Variants in WDR27 observed in about 807,000 individuals in gnomAD.
The protein encoded by WDR27 is WD repeat-containing protein 27.
Under a neutral mutation model 114.4 loss-of-function variants are expected in WDR27, and 100 were observed. That is an observed-to-expected ratio of 0.87 (90% CI 0.74 to 1.03). The LOEUF (loss-of-function observed/expected upper bound fraction) is 1.03. WDR27 is among the 50% of genes least tolerant of loss of function. WDR27 has a pLI of 0.00. For missense variants in WDR27, 1,129 were observed against 1,092.9 expected (o/e 1.03, Z -0.47); for synonymous variants, 449 against 423.1 (o/e 1.06, Z -0.75).
At chr6:169,698,519 T>C (rs1431400313) in intron 1 of WDR27, among the ~76,000 whole-genome samples, 2 of 152,148 alleles carry the variant, frequency 1.3e-5, no homozygotes, top group Non-Finnish European at 2.9e-5. Context: ...GCCCCTAAAA[T>C]CATTTGTGTA....
chr6:169,455,801 G>A (rs1438907871), downstream of WDR27, among the ~76,000 whole-genome samples: 1 of 152,212 alleles, frequency 6.6e-6, no homozygotes, highest in African/African-American at 2.4e-5. Flanking sequence ...ACCTGACACA[G>A]CTCTCTTCCT....
At position 169,675,231 on chromosome 6, in the gene WDR27, G is replaced by A. The variant is rs148913351; in HGVS notation, c.190-2835C>T. Among the ~76,000 whole-genome samples the A allele has an allele frequency of 3.1e-3, 475 of 152,158 alleles. 1 individual carries two copies. Among genetic ancestry groups the A allele is most frequent in the Middle Eastern group, 6.8e-3 (2 of 294 alleles). ...ATGGGGGCAGATCCCTCATGGCATG[G>A]TGCCATCCTCACCATGGTGAGTTCT... is the stretch of plus-strand genomic sequence containing the variant. On this transcript the variant is annotated intron_variant, in intron 2 of 25. Coordinates refer to ENST00000448612, the MANE Select transcript of WDR27 (RefSeq NM_182552.5).
intron 23 of WDR27, among the ~76,000 whole-genome samples, chr6:169,601,185 A>G (rs1213374916): frequency 2.0e-5 from 3 of 152,212 alleles, no homozygotes. Context: ...AGAATTTTCA[A>G]CCCAGAATTT....
chr6:169,435,799 G>C, the WDR27 span, among the ~76,000 whole-genome samples: 4 of 152,178 alleles, frequency 2.6e-5, no homozygotes, highest in African/African-American at 9.7e-5. Flanking sequence ...AGTTAATACT[G>C]AAATGAGTTA....
chr6:169,642,616 C>T (rs575970125), intron 17 of WDR27, among the ~76,000 whole-genome samples: 16 of 152,272 alleles, frequency 1.1e-4, no homozygotes, highest in South Asian at 4.1e-4. Flanking sequence ...ATGCAGGGGG[C>T]GGCAGCTTTG....
rs1795891322 is a variant in WDR27, at chr6:169,533,804, G to T, written c.2645+38615C>A. Among the ~76,000 whole-genome samples, 3 of 149,892 alleles carry T rather than the reference G, an allele frequency of 2.0e-5. 1 individual carries two copies. In the South Asian group the frequency reaches 6.4e-4, roughly 32 times the overall value. ...CAACCATGCATCACCAACTGGTAAT[G>T]GTTCTCAAGAAGGTAAGCCTGTGTG... is the stretch of plus-strand genomic sequence containing the variant. On this transcript the variant is annotated intron_variant, in intron 25 of 25. Transcript: ENST00000448612.
intron 25 of WDR27, among the ~76,000 whole-genome samples, chr6:169,517,236 T>C (rs774667173): frequency 7.2e-5 from 11 of 152,164 alleles, no homozygotes; most frequent in Non-Finnish European, 1.5e-4. Flanking sequence ...CTACTTCACC[T>C]TCATCCCTGA....
Position 169,602,251 on chromosome 6 carries a change from G to A in WDR27, c.2392C>T (p.Arg798Ter), listed in dbSNP as rs151208349. ...TCCTCGGCCCCACAAGCCGCGAATC[G>A]TCCACAAGGACTGAAAGCGATTCCA... Reference protein sequence around the residue: ...PCGIAFSPCGRFAACGAEDRH... With the variant: ...PCGIAFSPCG The change falls in exon 23 of 26, where the codon CGA becomes TGA. Residue 798 changes from arginine (R) to a stop codon, truncating the protein, a stop_gained. Coordinates refer to ENST00000448612, the MANE Select transcript of WDR27 (RefSeq NM_182552.5). LOFTEE classifies it high-confidence loss of function. 9.4e-4 allele frequency: 1,477 copies of A among 1,563,352 alleles called. 25 individuals carry two copies. Among genetic ancestry groups the A allele is most frequent in the Non-Finnish European group, 1.3e-4 (155 of 1,152,570 alleles).
At chr6:169,577,042 T>C (rs1802473649) in intron 24 of WDR27, among the ~76,000 whole-genome samples, 1 of 149,912 alleles carries the variant, frequency 6.7e-6, no homozygotes, top group Non-Finnish European at 1.5e-5. Context: ...GCTTAATTGG[T>C]AGCAAGGAAG....
At chr6:169,646,908 C>A (rs963145969) in intron 16 of WDR27, among the ~76,000 whole-genome samples, 1 of 152,172 alleles carries the variant, frequency 6.6e-6, no homozygotes, top group Non-Finnish European at 1.5e-5. Flanking sequence ...TTTAAAACTT[C>A]TTTGGCTACA....
intron 23 of WDR27, among the ~76,000 whole-genome samples, chr6:169,592,055 G>C (rs928805786): frequency 6.6e-6 from 1 of 151,970 alleles, no homozygotes; most frequent in Admixed American, 6.6e-5. Context: ...AAGAAATACT[G>C]GTATTCGTGC....
chr6:169,427,911 T>C, the WDR27 span, among the ~76,000 whole-genome samples: 2 of 148,760 alleles, frequency 1.3e-5, no homozygotes, highest in Admixed American at 6.7e-5. Flanking sequence ...AAGCAAAGAG[T>C]CGTACATCTT....
chr6:169,593,768 G>A, intron 23 of WDR27, among the ~76,000 whole-genome samples: 1 of 152,094 alleles, frequency 6.6e-6, no homozygotes, highest in East Asian at 1.9e-4. Context: ...AGAACCTCTT[G>A]AACCCGGGAG....
intron 25 of WDR27, among the ~76,000 whole-genome samples, chr6:169,477,667 A>T (rs1281014507): frequency 6.6e-6 from 1 of 152,180 alleles, no homozygotes; most frequent in Non-Finnish European, 1.5e-5. Flanking sequence ...TTGAAGCCCA[A>T]GCCTCAAGTG....
At chr6:169,429,037 A>C in the WDR27 span, among the ~76,000 whole-genome samples, 1 of 152,198 alleles carries the variant, frequency 6.6e-6, no homozygotes, top group African/African-American at 2.4e-5. Context: ...AGGAAGCAGC[A>C]TCATTGGTCC....
chr6:169,439,036 T>G, the WDR27 span, among the ~76,000 whole-genome samples: 3 of 152,286 alleles, frequency 2.0e-5, no homozygotes, highest in South Asian at 2.1e-4. Context: ...TTCCCCAAAA[T>G]CAAATTCTAA....
intron 17 of WDR27, among the ~76,000 whole-genome samples, chr6:169,639,057 G>A (rs1474888296): frequency 6.6e-6 from 1 of 151,426 alleles, no homozygotes; most frequent in African/African-American, 2.4e-5. Flanking sequence ...GTACTGTGTG[G>A]TGCTAGGGTT....
intron 17 of WDR27, among the ~76,000 whole-genome samples, chr6:169,642,692 T>C (rs1819539167): frequency 6.6e-6 from 1 of 151,978 alleles, no homozygotes; most frequent in Non-Finnish European, 1.5e-5. Context: ...CCCTGGGTGT[T>C]AGCAAGCAGA....
chr6:169,685,890 T>G (rs547290675), intron 2 of WDR27, among the ~76,000 whole-genome samples: 1 of 152,258 alleles, frequency 6.6e-6, no homozygotes, highest in African/African-American at 2.4e-5. Context: ...ATAGGTCCTT[T>G]TAGAGGTACA....
Sources: gnomAD v4.1 joint callset for allele counts (sites outside exome capture counted in the v4.1 genomes callset) on GRCh38, gnomAD v4.1.1 for gene constraint, MANE v1.5 for transcripts, NCBI Gene and HGNC (gene_info 2026-07-23, HGNC 2026-07-21) for gene names.